Variants in PCDHA11 observed in about 807,000 individuals in gnomAD.
PCDHA11 encodes protocadherin alpha-11.
PCDHA11 carries 61 observed loss-of-function variants against 70.3 expected under a neutral mutation model. The observed-to-expected ratio is 0.87, with a 90% CI of 0.71 to 1.07. PCDHA11 has a LOEUF of 1.07. PCDHA11 is among the 50% of genes least tolerant of loss of function. The probability of loss-of-function intolerance (pLI) is 0.00; values close to 1 mark genes in which losing one functional copy is unlikely to be tolerated. For synonymous variants in PCDHA11, 633 were observed against 555.1 expected, an observed-to-expected ratio of 1.14 and a Z score of -1.97; for missense variants, 1,324 against 1,237.5, an observed-to-expected ratio of 1.07 and a Z score of -1.05.
chr5:140,975,579 A>G (rs1464978366), intron 1 of PCDHA11, among the ~76,000 whole-genome samples: 3 of 152,244 alleles, frequency 2.0e-5, no homozygotes, highest in Non-Finnish European at 4.4e-5. Context: ...ATGCAGTCTC[A>G]TGTCCCAGAG....
chr5:140,929,071 T>C, intron 1 of PCDHA11: 1 of 1,614,122 alleles, frequency 6.2e-7, no homozygotes, highest in South Asian at 1.1e-5. Flanking sequence ...GGATCTGAGG[T>C]ATGGAAGTAA....
At chr5:140,982,617 G>T in intron 3 of PCDHA11, 54 bp downstream of exon 3, 1 of 1,591,926 alleles carries the variant, frequency 6.3e-7, no homozygotes, top group South Asian at 1.1e-5. Context: ...GTGATCAGAT[G>T]ACCTACTTTT....
chr5:140,981,721 A>G (rs2096948672), intron 2 of PCDHA11, among the ~76,000 whole-genome samples: 1 of 151,112 alleles, frequency 6.6e-6, no homozygotes, highest in Non-Finnish European at 1.5e-5. Context: ...TTCATCCAAC[A>G]AATATTTGAG....
intron 1 of PCDHA11, among the ~76,000 whole-genome samples, chr5:140,946,305 T>C (rs1484740423): frequency 6.6e-6 from 1 of 151,868 alleles, no homozygotes; most frequent in East Asian, 1.9e-4. Flanking sequence ...CCTGGTAGAA[T>C]GGCTATTATT....
In PCDHA11 at chr5:140,870,537, G is replaced by A. The variant is rs575452776; in HGVS notation, c.1434G>A (p.Ala478=). The change falls in exon 1 of 4, where the codon GCG becomes GCA. Residue 478 remains alanine, a synonymous_variant. Transcript: ENST00000398640. ...PPGCHIFTVS[A]RDADAQENAL... ...GCTGCCACATCTTCACAGTGTCGGC[G>A]CGGGACGCGGACGCGCAGGAGAACG... 9.3e-6 allele frequency: 15 copies of A among 1,614,172 alleles called. No homozygotes were observed. In the African/African-American group the frequency reaches 1.7e-4, roughly 19 times the overall value.
At chr5:140,920,107 C>A (rs1480708499) in intron 1 of PCDHA11, among the ~76,000 whole-genome samples, 1 of 152,300 alleles carries the variant, frequency 6.6e-6, no homozygotes, top group Non-Finnish European at 1.5e-5. Flanking sequence ...GGGAGTGCAA[C>A]CTTGCCAACA....
In PCDHA11 at chr5:140,870,318, G is replaced by T; in HGVS notation, c.1215G>T (p.Ser405=). 1 of 1,614,178 alleles carries T rather than the reference G, an allele frequency of 6.2e-7. No homozygotes were observed. Among genetic ancestry groups the T allele is most frequent in the Non-Finnish European group, 8.5e-7 (1 of 1,180,026 alleles). Residue 405 remains serine (S), a synonymous_variant, in exon 1 of 4, where the codon TCG becomes TCT. Transcript: ENST00000398640. ...TGTCCACCTTCAAGAATTACTACTC[G>T]TTGGTGCTGGACAGCGCCCTGGACC... ...KLVSTFKNYY[S]LVLDSALDRE...
chr5:140,873,030 C>T (rs251373), intron 1 of PCDHA11, among the ~76,000 whole-genome samples: 67,234 of 151,934 alleles, frequency 0.44, 15,336 homozygotes, highest in South Asian at 0.58. Context: ...TCTTACTACA[C>T]GTAGAGTGGT....
intron 1 of PCDHA11, chr5:140,966,517 A>T (rs1285058359): frequency 4.6e-6 from 2 of 435,352 alleles, no homozygotes; most frequent in Non-Finnish European, 8.0e-6. Context: ...CAGCAGCAGG[A>T]AGCCGAGCCG....
chr5:140,974,394 A>G (rs1554236015), intron 1 of PCDHA11, among the ~76,000 whole-genome samples: 1 of 152,212 alleles, frequency 6.6e-6, no homozygotes, highest in Non-Finnish European at 1.5e-5. Context: ...CCCATTAGGT[A>G]TGTTCTAAAG....
At chr5:140,874,185 G>A (rs551629220) in intron 1 of PCDHA11, among the ~76,000 whole-genome samples, 33 of 152,158 alleles carry the variant, frequency 2.2e-4, no homozygotes, top group Non-Finnish European at 4.6e-4. Context: ...TTGTAAAGGT[G>A]TCATATTTCA....
At chr5:140,945,125 T>G (rs405192) in intron 1 of PCDHA11, among the ~76,000 whole-genome samples, 86,337 of 151,830 alleles carry the variant, frequency 0.57, 25,231 homozygotes, top group African/African-American at 0.71. Flanking sequence ...AAAAATCAAC[T>G]TACAAAAATC....
intron 1 of PCDHA11, among the ~76,000 whole-genome samples, chr5:140,932,017 G>GT (rs1385498128): frequency 2.6e-5 from 4 of 151,792 alleles, no homozygotes; most frequent in African/African-American, 9.7e-5. Context: ...TTAGTTTACG[G>GT]TAAGTTTACA....
chr5:140,927,342 T>TGAC (rs1554204398), intron 1 of PCDHA11: 2 of 1,614,160 alleles, frequency 1.2e-6, no homozygotes, highest in Admixed American at 3.3e-5. Flanking sequence ...ATGCCCAAGA[T>TGAC]GACGACGAGG....
chr5:140,943,006 C>G (rs1314561126), intron 1 of PCDHA11, among the ~76,000 whole-genome samples: 1 of 151,932 alleles, frequency 6.6e-6, no homozygotes, highest in East Asian at 1.9e-4. Context: ...CCTGTAATCC[C>G]AGCACTTTGG....
At chr5:140,883,121 G>A in intron 1 of PCDHA11, 3 of 1,614,070 alleles carry the variant, frequency 1.9e-6, no homozygotes, top group Non-Finnish European at 2.5e-6. Context: ...TAGAAGGCCT[G>A]TATGGCCTGC....
intron 1 of PCDHA11, chr5:140,876,169 C>T (rs782706242): frequency 3.1e-6 from 5 of 1,613,798 alleles, no homozygotes; most frequent in Non-Finnish European, 4.2e-6. Context: ...AATAACCGTC[C>T]TGGATGTGAA....
intron 1 of PCDHA11, 170 bp from the exon 2 acceptor site, chr5:140,978,779 C>T: frequency 2.1e-6 from 2 of 969,908 alleles, no homozygotes; most frequent in Non-Finnish European, 2.5e-6. Flanking sequence ...TAATTTTCTT[C>T]TAAAGTGCTA....
chr5:140,981,779 A>G (rs1231046614), intron 2 of PCDHA11, among the ~76,000 whole-genome samples: 2 of 151,974 alleles, frequency 1.3e-5, no homozygotes, highest in Non-Finnish European at 2.9e-5. Flanking sequence ...ATACTGCACC[A>G]TGTTCTCTTT....
Sources: gnomAD v4.1 joint callset for allele counts (sites outside exome capture counted in the v4.1 genomes callset) on GRCh38, gnomAD v4.1.1 for gene constraint, MANE v1.5 for transcripts, NCBI Gene and HGNC (gene_info 2026-07-23, HGNC 2026-07-21) for gene names.